PARD3: variants seen among roughly 807,000 people sequenced by gnomAD.
PARD3 encodes partitioning defective 3 homolog.
PARD3 carries 75 observed loss-of-function variants against 155.4 expected under a neutral mutation model. The observed-to-expected ratio is 0.48, with a 90% confidence interval of 0.40 to 0.58. The LOEUF (loss-of-function observed/expected upper bound fraction) is 0.58, where lower values mean the gene tolerates loss of function less well. Among genes scored for constraint, PARD3 ranks in the 20% least tolerant of loss-of-function variants. The pLI is 0.00. For synonymous variants in PARD3, 576 were observed against 610.5 expected, an observed-to-expected ratio of 0.94 and a Z score of 0.83; for missense variants, 1,642 against 1,721.7, an observed-to-expected ratio of 0.95 and a Z score of 0.82.
intron 7 of PARD3, among the ~76,000 whole-genome samples, chr10:34,396,277 G>C (rs1843333828): frequency 6.6e-6 from 1 of 152,082 alleles, no homozygotes; most frequent in South Asian, 2.1e-4. Context: ...TTGAACCCGG[G>C]AAGCGGAGGT....
At chr10:34,636,494 A>G (rs924855347) in intron 2 of PARD3, among the ~76,000 whole-genome samples, 2 of 152,202 alleles carry the variant, frequency 1.3e-5, no homozygotes, top group African/African-American at 4.8e-5. Context: ...GAAGCACAGG[A>G]CACATGAACC....
chr10:34,131,849 T>C (rs1332656591), intron 22 of PARD3, among the ~76,000 whole-genome samples: 3 of 152,220 alleles, frequency 2.0e-5, no homozygotes, highest in Non-Finnish European at 4.4e-5. Context: ...AAAGTTTCAT[T>C]TCCTTTCTGT....
chr10:34,654,103 T>A (rs189016975), intron 2 of PARD3, among the ~76,000 whole-genome samples: 6 of 151,416 alleles, frequency 4.0e-5, no homozygotes, highest in African/African-American at 1.2e-4. Flanking sequence ...TATACAAACA[T>A]GAATGTAATT....
intron 22 of PARD3, among the ~76,000 whole-genome samples, chr10:34,245,868 C>A (rs928311614): frequency 2.6e-5 from 4 of 152,178 alleles, no homozygotes; most frequent in African/African-American, 9.6e-5. Context: ...CAGAGCCAGG[C>A]TTGGTGTGTG....
intron 1 of PARD3, among the ~76,000 whole-genome samples, chr10:34,772,512 C>T (rs557909086): frequency 2.2e-4 from 34 of 151,196 alleles, no homozygotes; most frequent in African/African-American, 7.5e-4. Flanking sequence ...GGAATACACG[C>T]CGGGCATGGT....
chr10:34,532,340 G>A (rs2082917545), intron 2 of PARD3, among the ~76,000 whole-genome samples: 1 of 151,988 alleles, frequency 6.6e-6, no homozygotes, highest in African/African-American at 2.4e-5. Flanking sequence ...AAAGATCCAT[G>A]CATATGTACA....
intron 10 of PARD3, 67 bp from the exon 11 acceptor site, chr10:34,375,069 C>CAG: frequency 1.1e-6 from 1 of 932,448 alleles, no homozygotes; most frequent in Admixed American, 2.0e-5. Flanking sequence ...CACACACACA[C>CAG]ACACACACAC....
At chr10:34,500,966 CTAT>C in intron 3 of PARD3, among the ~76,000 whole-genome samples, 1 of 152,264 alleles carries the variant, frequency 6.6e-6, no homozygotes, top group Admixed American at 6.5e-5. Flanking sequence ...TAAAAAATTA[CTAT>C]ATTACTTTTA....
intron 22 of PARD3, among the ~76,000 whole-genome samples, chr10:34,188,012 G>A (rs758040589): frequency 2.6e-5 from 4 of 152,128 alleles, no homozygotes; most frequent in South Asian, 4.2e-4. Context: ...TAGAACACTC[G>A]CCAATTGATT....
At chr10:34,238,305 C>T (rs542380509) in intron 22 of PARD3, among the ~76,000 whole-genome samples, 1 of 152,294 alleles carries the variant, frequency 6.6e-6, no homozygotes, top group Admixed American at 6.5e-5. Context: ...TAAATGTGCT[C>T]ACTTCTTCCT....
chr10:34,129,832 CTTT>C (rs71030099), intron 23 of PARD3, among the ~76,000 whole-genome samples: 2 of 120,138 alleles, frequency 1.7e-5, no homozygotes, highest in East Asian at 2.3e-4. Context: ...TAATTAAAAA[CTTT>C]TTTTTTTTTT....
intron 20 of PARD3, among the ~76,000 whole-genome samples, chr10:34,289,523 G>A (rs897458346): frequency 2.0e-5 from 3 of 151,986 alleles, no homozygotes; most frequent in African/African-American, 7.3e-5. Flanking sequence ...ATAATAAGTA[G>A]AGGGATAAAA....
At chr10:34,150,327 G>C (rs544716988) in intron 22 of PARD3, among the ~76,000 whole-genome samples, 2 of 152,292 alleles carry the variant, frequency 1.3e-5, no homozygotes, top group East Asian at 3.9e-4. Flanking sequence ...TGAAGATATA[G>C]CTTTGGCAGT....
chr10:34,448,166 C>CGTGTGTGTGT (rs1564725579), intron 5 of PARD3, among the ~76,000 whole-genome samples: 13 of 122,678 alleles, frequency 1.1e-4, no homozygotes, highest in African/African-American at 4.6e-4. Context: ...TGTGTGTGTA[C>CGTGTGTGTGT]ACATAAATGT....
At chr10:34,421,564 C>A (rs1471490565) in intron 5 of PARD3, among the ~76,000 whole-genome samples, 1 of 151,968 alleles carries the variant, frequency 6.6e-6, no homozygotes, top group African/African-American at 2.4e-5. Flanking sequence ...AAGTGAAAAT[C>A]TGCTAAAAGC....
chr10:34,465,011 C>T (rs1228538472), intron 4 of PARD3, among the ~76,000 whole-genome samples: 1 of 152,170 alleles, frequency 6.6e-6, no homozygotes, highest in East Asian at 1.9e-4. Context: ...GCACATAACC[C>T]ATGCACATCC....
chr10:34,483,758 T>C (rs767418769), intron 3 of PARD3, among the ~76,000 whole-genome samples: 6 of 152,196 alleles, frequency 3.9e-5, no homozygotes, highest in Admixed American at 2.0e-4. Context: ...TTATGTTATA[T>C]AAAGTAACTG....
At position 34,535,726 on chromosome 10, in the gene PARD3, TC is replaced by T. The variant is rs1394469698; in HGVS notation, c.223-18568del. ...CCTGACATCAGGTGGTCCACCAGCC[TC>T]AGCCTTCCAAAGTGCTGGGATTACA... is the stretch of plus-strand genomic sequence containing the variant. On this transcript the variant is annotated intron_variant, in intron 2 of 24. Transcript: ENST00000374788. Among the ~76,000 whole-genome samples, 6 of 152,044 alleles carry T rather than the reference TC, an allele frequency of 3.9e-5. No homozygotes were observed. In the East Asian group the frequency reaches 1.2e-3, roughly 29 times the overall value.
At chr10:34,729,397 G>A (rs1292128377) in intron 1 of PARD3, among the ~76,000 whole-genome samples, 2 of 151,928 alleles carry the variant, frequency 1.3e-5, no homozygotes, top group African/African-American at 2.4e-5. Context: ...CAGGCGTGGT[G>A]GTGGGTGCCT....
Sources: gnomAD v4.1 joint callset for allele counts (sites outside exome capture counted in the v4.1 genomes callset) on GRCh38, gnomAD v4.1.1 for gene constraint, MANE v1.5 for transcripts, NCBI Gene and HGNC (gene_info 2026-07-23, HGNC 2026-07-21) for gene names.